The following ANKRD30BL variants were observed in gnomAD, a reference collection of about 807,000 sequenced individuals.
ANKRD30BL encodes ankyrin repeat domain 30B like.
ANKRD30BL carries 20 observed loss-of-function variants against 18.4 expected under a neutral mutation model. The observed-to-expected ratio is 1.09, with a 90% CI of 0.77 to 1.58. The LOEUF (loss-of-function observed/expected upper bound fraction) is 1.58, where lower values mean the gene tolerates loss of function less well. ANKRD30BL is among the 40% of genes most tolerant of loss of function. ANKRD30BL has a pLI of 0.00. For missense variants in ANKRD30BL, 224 were observed against 268.6 expected (o/e 0.83, Z 1.16); for synonymous variants, 72 against 100.9 (o/e 0.71, Z 1.72).
At chr2:132,174,520 C>G (rs1688330523) in intron 1 of ANKRD30BL, among the ~76,000 whole-genome samples, 2 of 152,172 alleles carry the variant, frequency 1.3e-5, no homozygotes, top group South Asian at 2.1e-4. Flanking sequence ...AAATACAGAA[C>G]TAGGCATGCG....
intron 1 of ANKRD30BL, among the ~76,000 whole-genome samples, chr2:132,206,167 A>C (rs555532577): frequency 6.6e-6 from 1 of 152,078 alleles, no homozygotes; most frequent in African/African-American, 2.4e-5. Context: ...AGAGAAAAGA[A>C]AAGAGAAGAG....
chr2:132,224,317 T>C (rs140112024), intron 1 of ANKRD30BL, among the ~76,000 whole-genome samples: 4 of 151,874 alleles, frequency 2.6e-5, no homozygotes, highest in African/African-American at 9.7e-5. Context: ...TATATAAAAA[T>C]GAGACAGAAG....
intron 1 of ANKRD30BL, among the ~76,000 whole-genome samples, chr2:132,189,436 C>G (rs888110103): frequency 1.3e-5 from 2 of 151,756 alleles, no homozygotes; most frequent in African/African-American, 4.8e-5. Context: ...AACAGGAAAA[C>G]ATATTGCAGC....
chr2:132,186,464 A>G (rs1305895423), intron 1 of ANKRD30BL, among the ~76,000 whole-genome samples: 1 of 152,234 alleles, frequency 6.6e-6, no homozygotes, highest in Non-Finnish European at 1.5e-5. Context: ...AGGCTTCATT[A>G]TAAGTCTTCA....
chr2:132,234,160 C>G (rs527897583), intron 1 of ANKRD30BL, among the ~76,000 whole-genome samples: 30 of 152,156 alleles, frequency 2.0e-4, no homozygotes, highest in Admixed American at 4.6e-4. Flanking sequence ...CACAACATAC[C>G]AGAATCTCTG....
At chr2:132,244,594 T>C (rs796892326) in intron 1 of ANKRD30BL, among the ~76,000 whole-genome samples, 3 of 152,370 alleles carry the variant, frequency 2.0e-5, no homozygotes, top group Non-Finnish European at 4.4e-5. Context: ...TATCTTCCCA[T>C]AATAACTAGA....
At chr2:132,204,425 G>T (rs10451525) in intron 1 of ANKRD30BL, among the ~76,000 whole-genome samples, 1 of 151,402 alleles carries the variant, frequency 6.6e-6, no homozygotes, top group Admixed American at 6.6e-5. Context: ...TATATAGCAT[G>T]TCTATACTTA....
chr2:132,156,190 C>T (rs1328744724), intron 3 of ANKRD30BL: 3 of 151,728 alleles, frequency 2.0e-5, no homozygotes, highest in Non-Finnish European at 2.9e-5. Flanking sequence ...AATATTTTTT[C>T]TGCAATATGC....
At position 132,206,096 on chromosome 2, in the gene ANKRD30BL, C is replaced by T. The variant is rs202209433; in HGVS notation, n.442-48950G>A. Among the ~76,000 whole-genome samples, 8 of 151,480 alleles carry T rather than the reference C, an allele frequency of 5.3e-5. 1 individual carries two copies. The highest frequency in any genetic ancestry group is 1.0e-4 in the Non-Finnish European group (7 of 67,924). On this transcript the variant is annotated intron_variant and non_coding_transcript_variant, in intron 1 of 4. Transcript: ENST00000470729. ...TCACTTGAACCCGGGAGGTGGAGGT[C>T]GCAGTGAGCCGAGATGATGCCACTG...
chr2:132,253,792 CG>C (rs941464413), intron 1 of ANKRD30BL, among the ~76,000 whole-genome samples: 5 of 149,500 alleles, frequency 3.3e-5, no homozygotes, highest in Non-Finnish European at 7.4e-5. Flanking sequence ...ACCTGGATGG[CG>C]GGGGCGGATG....
intron 1 of ANKRD30BL, among the ~76,000 whole-genome samples, chr2:132,225,133 G>A (rs566841995): frequency 0.013 from 1,967 of 151,820 alleles, 43 homozygotes; most frequent in African/African-American, 0.043. Flanking sequence ...TGAGGCCTTC[G>A]TTGGAAACGG....
chr2:132,231,341 A>G (rs905713140), intron 1 of ANKRD30BL, among the ~76,000 whole-genome samples: 41 of 152,320 alleles, frequency 2.7e-4, no homozygotes, highest in Admixed American at 2.0e-3. Context: ...AGGAGCCAAG[A>G]TGGCCGAATA....
intron 1 of ANKRD30BL, among the ~76,000 whole-genome samples, chr2:132,219,630 G>A (rs1010016395): frequency 1.3e-5 from 2 of 152,064 alleles, no homozygotes; most frequent in Non-Finnish European, 2.9e-5. Flanking sequence ...AGAGCTTTGA[G>A]GCCTAAGGTG....
chr2:132,217,834 A>C (rs1226661747), intron 1 of ANKRD30BL, among the ~76,000 whole-genome samples: 5 of 152,266 alleles, frequency 3.3e-5, no homozygotes, highest in Admixed American at 1.3e-4. Context: ...TGTGCATTCA[A>C]CTCACAGAGT....
At chr2:132,235,036 G>A (rs200482189) in intron 1 of ANKRD30BL, among the ~76,000 whole-genome samples, 12 of 152,100 alleles carry the variant, frequency 7.9e-5, no homozygotes, top group South Asian at 4.2e-4. Context: ...TTCAATATAC[G>A]CAAATCAATA....
At chr2:132,179,587 C>A (rs1355685103) in intron 1 of ANKRD30BL, among the ~76,000 whole-genome samples, 1 of 151,922 alleles carries the variant, frequency 6.6e-6, no homozygotes, top group Non-Finnish European at 1.5e-5. Context: ...CCATGCCTGG[C>A]CCTTTTTATC....
chr2:132,224,363 A>C (rs1679783547), intron 1 of ANKRD30BL, among the ~76,000 whole-genome samples: 2 of 152,020 alleles, frequency 1.3e-5, no homozygotes, highest in Non-Finnish European at 2.9e-5. Context: ...TTCGCATTCC[A>C]CTCACAGAGT....
chr2:132,216,664 C>T (rs879684002), intron 1 of ANKRD30BL, among the ~76,000 whole-genome samples: 48 of 151,902 alleles, frequency 3.2e-4, no homozygotes, highest in Middle Eastern at 3.4e-3. Context: ...ACCTTTGGAG[C>T]GCCTTGAGGC....
rs546602696 is a variant in ANKRD30BL at position 132,223,514 on chromosome 2, C to G, written n.441+34015G>C. Among the ~76,000 whole-genome samples, 18 of 152,158 alleles carry G rather than the reference C, an allele frequency of 1.2e-4. No homozygotes were observed. In the East Asian group the frequency reaches 3.1e-3, roughly 26 times the overall value. ...CTTTGTGATATTTGTATTCAACTCA[C>G]AGAGTTGAACATAACATTTCATTGA... On this transcript the variant is annotated intron_variant and non_coding_transcript_variant, in intron 1 of 4. Coordinates refer to the ANKRD30BL transcript ENST00000470729.
Sources: allele counts gnomAD v4.1 joint callset (sites outside exome capture counted in the v4.1 genomes callset), GRCh38; gene constraint gnomAD v4.1.1; transcripts MANE v1.5; gene names NCBI Gene and HGNC (gene_info 2026-07-23, HGNC 2026-07-21).